Variants in RPGRIP1L observed in about 807,000 individuals in gnomAD.
RPGRIP1L encodes the protein RPGRIP1 like.
In RPGRIP1L, 131 loss-of-function variants were observed where a neutral mutation model predicts 160.4. That is an observed-to-expected ratio of 0.82 (90% CI 0.71 to 0.94). The LOEUF is 0.94. Among genes scored for constraint, RPGRIP1L ranks in the 40% least tolerant of loss-of-function variants. The pLI is 0.00. For missense variants in RPGRIP1L, 1,522 were observed against 1,535.8 expected (o/e 0.99, Z 0.15); for synonymous variants, 510 against 515.8 (o/e 0.99, Z 0.15).
intron 24 of RPGRIP1L, among the ~76,000 whole-genome samples, chr16:53,618,325 A>T (rs760207735): frequency 5.3e-5 from 8 of 152,220 alleles, no homozygotes; most frequent in Non-Finnish European, 1.2e-4. Context: ...GATGACATTG[A>T]TCAGAAAGGT....
intron 5 of RPGRIP1L, 74 bp downstream of exon 5, chr16:53,687,789 G>A (rs756948750): frequency 5.4e-5 from 49 of 899,638 alleles, no homozygotes; most frequent in Non-Finnish European, 8.6e-5. Context: ...ATAAATAAAG[G>A]AAAGGGAAGG....
At chr16:53,695,902 T>C (rs536599570) in intron 3 of RPGRIP1L, 1 of 426,832 alleles carries the variant, frequency 2.3e-6, no homozygotes, top group South Asian at 2.6e-5. Flanking sequence ...TTTATAGGTA[T>C]GATATACTAA....
chr16:53,664,795 A>G, intron 10 of RPGRIP1L, 75 bp downstream of exon 10: 7 of 1,507,362 alleles, frequency 4.6e-6, no homozygotes, highest in Non-Finnish European at 6.4e-6. Context: ...TAGGCACCAG[A>G]GTAAGTACTG....
At position 53,692,140 on chromosome 16, in the gene RPGRIP1L, T is replaced by C. The variant is rs1181172841; in HGVS notation, c.455A>G (p.Asn152Ser). 2.5e-5 allele frequency: 41 copies of C among 1,613,968 alleles called. No homozygotes were observed. The highest frequency in any genetic ancestry group is 3.3e-5 in the Non-Finnish European group (39 of 1,179,946). ...CCCAGTGTTAATACGAGATTGTACA[T>C]TATTGTATGGAGTTTGCCTGTAACC... is the stretch of plus-strand genomic sequence containing the variant. Reference protein sequence around the residue: ...TQGYRQTPYNNVQSRINTGRR... With the variant: ...TQGYRQTPYNSVQSRINTGRR... The change falls in exon 4 of 27, where the codon AAT (asparagine) becomes AGT (serine). Residue 152 changes from asparagine (N) to serine (S), a missense_variant. Transcript: ENST00000647211.
chr16:53,650,070 T>C (rs1185781274), intron 15 of RPGRIP1L, among the ~76,000 whole-genome samples: 1 of 152,216 alleles, frequency 6.6e-6, no homozygotes, highest in African/African-American at 2.4e-5. Context: ...TGACTTACTA[T>C]CTGCCTGCTA....
In RPGRIP1L at chr16:53,664,941, T is replaced by C. The variant is rs767581853; in HGVS notation, c.1172A>G (p.Gln391Arg). ...GTCAGACTTCAAGGCAGTCTCGAGC[T>C]GAGCAATCTGCACTTTCAGCTGTTG... ...KEQQLKVQIA[Q>R]LETALKSDLT... Residue 391 changes from glutamine to arginine, a missense_variant, in exon 10 of 27, where the codon CAG (glutamine) becomes CGG (arginine). Coordinates refer to ENST00000647211, the MANE Select transcript of RPGRIP1L (RefSeq NM_015272.5). 1 of 1,613,532 alleles carries C rather than the reference T, an allele frequency of 6.2e-7. No individual in the cohort carries two copies. The highest frequency in any genetic ancestry group is 2.2e-5 in the East Asian group (1 of 44,884).
At chr16:53,660,563 A>C (rs1362724383) in intron 10 of RPGRIP1L, among the ~76,000 whole-genome samples, 1 of 150,660 alleles carries the variant, frequency 6.6e-6, no homozygotes, top group East Asian at 2.1e-4. Flanking sequence ...AAATAAAAAA[A>C]TAAAAAAAAA....
intron 17 of RPGRIP1L, among the ~76,000 whole-genome samples, chr16:53,643,018 C>T (rs1026902130): frequency 1.3e-5 from 2 of 152,170 alleles, no homozygotes; most frequent in Non-Finnish European, 2.9e-5. Context: ...TGGGCGTTGG[C>T]TGGGTGCGGT....
chr16:53,647,621 G>T (rs1275866086), intron 16 of RPGRIP1L, among the ~76,000 whole-genome samples: 1 of 152,178 alleles, frequency 6.6e-6, no homozygotes, highest in Admixed American at 6.5e-5. Flanking sequence ...GGTGGGGAGT[G>T]AAAGAAAATG....
chr16:53,655,902 G>A (rs1598338876), intron 14 of RPGRIP1L, among the ~76,000 whole-genome samples: 1 of 152,288 alleles, frequency 6.6e-6, no homozygotes, highest in South Asian at 2.1e-4. Flanking sequence ...TCAAAGCAGG[G>A]AAGCGTGTAT....
intron 3 of RPGRIP1L, chr16:53,693,657 T>C (rs1343371300): frequency 2.6e-5 from 4 of 152,154 alleles, no homozygotes; most frequent in African/African-American, 7.2e-5. Flanking sequence ...TCTAGTAAAA[T>C]AATCAATGGA....
rs1406339480 is a variant in RPGRIP1L at position 53,698,509 on chromosome 16, C to T, written c.85+2130G>A. Among the ~76,000 whole-genome samples the T allele has an allele frequency of 1.5e-4, 22 of 147,616 alleles. 1 individual carries two copies. Among genetic ancestry groups the T allele is most frequent in the Non-Finnish European group, 2.5e-4 (17 of 66,770 alleles). Reference sequence around the variant, plus strand: ...GAGGGAGGTTGGGGGGTCAGCCTCCCGCCCGGCCAGCCGCCCCGTCTGGGA... The same window carrying T: ...GAGGGAGGTTGGGGGGTCAGCCTCCTGCCCGGCCAGCCGCCCCGTCTGGGA... On this transcript the variant is annotated intron_variant, in intron 2 of 26. Coordinates refer to ENST00000647211, the MANE Select transcript of RPGRIP1L (RefSeq NM_015272.5).
intron 24 of RPGRIP1L, among the ~76,000 whole-genome samples, chr16:53,615,046 T>C (rs1964276448): frequency 6.6e-6 from 1 of 152,338 alleles, no homozygotes; most frequent in Non-Finnish European, 1.5e-5. Context: ...TAAAGAGTAA[T>C]CATCTGTATC....
chr16:53,625,475 TGGGGG>T lies in RPGRIP1L; in HGVS notation c.3295-3124_3295-3120del, dbSNP rs368428748. On this transcript the variant is annotated intron_variant, in intron 22 of 26. Transcript: ENST00000647211. ...CCCGGCAGCCGCCCCATCTGGGGGC[TGGGGG>T]GGGCGCGCCTCCGCCCAGCGGCCGC... is the stretch of plus-strand genomic sequence containing the variant. 1.7e-3 allele frequency among the ~76,000 whole-genome samples: 220 copies of T among 130,308 alleles called. 1 individual carries two copies. The highest frequency in any genetic ancestry group is 5.8e-3 in the African/African-American group (206 of 35,432). 85.5% of individuals were successfully genotyped at this position (130,308 alleles called of 152,430 possible). A position where few individuals can be genotyped will look rare whatever the true frequency, so the allele number is the denominator to read the frequency against.
At position 53,696,206 on chromosome 16, in the gene RPGRIP1L, C is replaced by T. The variant is rs750355385; in HGVS notation, c.175G>A (p.Asp59Asn). ...ELEDRFLRLHDENILLKQHAR... is the reference protein window; with the variant it reads ...ELEDRFLRLHNENILLKQHAR... The stretch of plus-strand genomic sequence containing the variant: ...TGCTGTTTAAGTAAAATGTTCTCAT[C>T]ATGCAAACGCAAAAATCTGTCTTCC... Residue 59 changes from aspartate to asparagine, a missense_variant, in exon 3 of 27, where the codon GAT (aspartate) becomes AAT (asparagine). Physicochemically the swap from Asp to Asn is conservative, Grantham distance 23. Coordinates refer to ENST00000647211, the MANE Select transcript of RPGRIP1L (RefSeq NM_015272.5). 5.6e-6 allele frequency: 9 copies of T among 1,614,024 alleles called. No homozygotes were observed. Among genetic ancestry groups the T allele is most frequent in the Non-Finnish European group, 7.6e-6 (9 of 1,179,970 alleles).
intron 6 of RPGRIP1L, among the ~76,000 whole-genome samples, chr16:53,680,931 C>T (rs553056507): frequency 3.3e-5 from 5 of 152,046 alleles, no homozygotes; most frequent in East Asian, 1.9e-4. Context: ...AAGAGCAGGC[C>T]GAGTGCAAAA....
At chr16:53,701,108 A>G (rs571648367) in intron 1 of RPGRIP1L, among the ~76,000 whole-genome samples, 32 of 152,328 alleles carry the variant, frequency 2.1e-4, no homozygotes, top group Admixed American at 6.5e-4. Context: ...CAAGCCACCT[A>G]AACTCTCTGA....
Position 53,675,056 on chromosome 16 carries a change from A to G in RPGRIP1L, c.843T>C (p.Ala281=). The change falls in exon 7 of 27, where the codon GCT becomes GCC. Residue 281 remains alanine (A), a synonymous_variant. Transcript: ENST00000647211. ...TAAATTTTCCTTCCATTGCTGAAAG[A>G]GCATTGCTTTTCTCTACTAGCTGTT... ...LHKQLVEKSN[A]LSAMEGKFIQ... 7 of 1,611,114 alleles carry G rather than the reference A, an allele frequency of 4.3e-6. No homozygotes were observed. The highest frequency in any genetic ancestry group is 5.9e-6 in the Non-Finnish European group (7 of 1,178,498).
At chr16:53,626,403 A>G (rs1965180989) in intron 22 of RPGRIP1L, among the ~76,000 whole-genome samples, 2 of 152,156 alleles carry the variant, frequency 1.3e-5, no homozygotes, top group Non-Finnish European at 2.9e-5. Flanking sequence ...CTCTACGTGT[A>G]TGAATTTTTG....
Sources: gnomAD v4.1 joint callset for allele counts (sites outside exome capture counted in the v4.1 genomes callset) on GRCh38, gnomAD v4.1.1 for gene constraint, MANE v1.5 for transcripts, NCBI Gene and HGNC (gene_info 2026-07-23, HGNC 2026-07-21) for gene names.